The following ASTN1 variants were observed in gnomAD, a reference collection of about 807,000 sequenced individuals.
ASTN1 encodes astrotactin 1, also known as astrotactin-1.
ASTN1 carries 41 observed loss-of-function variants against 140.7 expected under a neutral mutation model. The observed-to-expected ratio is 0.29, with a 90% CI of 0.23 to 0.38. ASTN1 has a LOEUF of 0.38. Ranked by LOEUF, ASTN1 falls within the 10% of genes least tolerant of loss-of-function variation. The pLI, the probability that ASTN1 is intolerant of heterozygous loss-of-function variation, is 1.00. For synonymous variants in ASTN1, 640 were observed against 652.2 expected (o/e 0.98, Z 0.29); for missense variants, 1,479 against 1,678.8 (o/e 0.88, Z 2.08).
intron 5 of ASTN1, among the ~76,000 whole-genome samples, chr1:177,027,535 C>T (rs1421085183): frequency 6.6e-6 from 1 of 150,680 alleles, no homozygotes; most frequent in Non-Finnish European, 1.5e-5. Flanking sequence ...CCAGCCTCAT[C>T]CTTACCATCT....
intron 1 of ASTN1, among the ~76,000 whole-genome samples, chr1:177,074,723 G>C (rs374922831): frequency 6.6e-6 from 1 of 152,176 alleles, no homozygotes; most frequent in Non-Finnish European, 1.5e-5. Context: ...CATGATGCAC[G>C]TATGTGTTTT....
chr1:176,863,736 C>T lies in ASTN1; in HGVS notation c.*548G>A. On this transcript the variant is annotated 3_prime_UTR_variant, in exon 23 of 23. Coordinates refer to ENST00000361833, the MANE Select transcript of ASTN1 (RefSeq NM_004319.3). Reference sequence around the variant, plus strand: ...TGATAGCAAGGCCTAGGAAGAAAACCAGGAGACACAGACAAGGGCCACCTT... The same window carrying T: ...TGATAGCAAGGCCTAGGAAGAAAACTAGGAGACACAGACAAGGGCCACCTT... The T allele has an allele frequency of 1.0e-6, 1 of 986,658 alleles. No homozygotes were observed. The highest frequency in any genetic ancestry group is 1.2e-6 in the Non-Finnish European group (1 of 830,822). 61.1% of individuals were successfully genotyped at this position (986,658 alleles called of 1,614,324 possible).
chr1:176,899,232 T>G, intron 16 of ASTN1, among the ~76,000 whole-genome samples: 1 of 152,236 alleles, frequency 6.6e-6, no homozygotes, highest in East Asian at 1.9e-4. Flanking sequence ...TATTGTGGTA[T>G]GAGAATATCG....
At chr1:177,123,850 C>T (rs182721802) in intron 1 of ASTN1, among the ~76,000 whole-genome samples, 111 of 152,270 alleles carry the variant, frequency 7.3e-4, no homozygotes, top group African/African-American at 2.6e-3. Context: ...TGAGCTAACC[C>T]CAGGCAGGAA....
At chr1:176,949,123 T>C (rs555812505) in intron 12 of ASTN1, 62 bp downstream of exon 12, 4 of 1,595,102 alleles carry the variant, frequency 2.5e-6, no homozygotes, top group East Asian at 2.2e-5. Flanking sequence ...GGATTTAGCA[T>C]TGAAAGTCCT....
intron 15 of ASTN1, 142 bp from the exon 16 acceptor site, chr1:176,934,482 T>TGTTTCC: frequency 1.3e-6 from 1 of 770,108 alleles, no homozygotes; most frequent in South Asian, 2.6e-5. Flanking sequence ...GTCTGGTGAA[T>TGTTTCC]GTTTCCATTT....
chr1:177,144,504 G>A (rs907587716), intron 1 of ASTN1, among the ~76,000 whole-genome samples: 7 of 148,660 alleles, frequency 4.7e-5, no homozygotes, highest in Admixed American at 1.4e-4. Flanking sequence ...CGCCCGCCTC[G>A]GCCTCCCAAA....
chr1:177,027,372 C>T (rs564582186), intron 5 of ASTN1, among the ~76,000 whole-genome samples: 72 of 152,096 alleles, frequency 4.7e-4, no homozygotes, highest in African/African-American at 1.5e-3. Flanking sequence ...TGACTTGCTA[C>T]GGATATTCCT....
chr1:176,957,588 AT>A, intron 11 of ASTN1, 89 bp downstream of exon 11: 1 of 1,491,470 alleles, frequency 6.7e-7, no homozygotes, highest in Non-Finnish European at 9.1e-7. Context: ...ATCACAGCAC[AT>A]TTTTCCCTAT....
At chr1:177,075,981 T>C (rs1426791268) in intron 1 of ASTN1, among the ~76,000 whole-genome samples, 1 of 151,986 alleles carries the variant, frequency 6.6e-6, no homozygotes, top group Non-Finnish European at 1.5e-5. Flanking sequence ...CAAACTGCAA[T>C]AGAAATCCCT....
intron 3 of ASTN1, 35 bp downstream of exon 3, chr1:177,032,421 G>T: frequency 6.3e-7 from 1 of 1,594,676 alleles, no homozygotes; most frequent in South Asian, 1.1e-5. Context: ...TGAGATGAAG[G>T]ACCAAACAGC....
chr1:176,981,645 T>G (rs1369035335), intron 8 of ASTN1: 1 of 152,388 alleles, frequency 6.6e-6, no homozygotes, highest in Non-Finnish European at 1.5e-5. Context: ...CAAGTGATAT[T>G]GAGGGAGTAG....
downstream of ASTN1, among the ~76,000 whole-genome samples, chr1:176,858,107 A>G (rs1480445413): frequency 6.6e-6 from 1 of 152,206 alleles, no homozygotes; most frequent in Non-Finnish European, 1.5e-5. Context: ...AGCATATCAT[A>G]GACTCTAACA....
chr1:177,065,419 TTG>T (rs1483595557), intron 1 of ASTN1, among the ~76,000 whole-genome samples: 4 of 152,194 alleles, frequency 2.6e-5, no homozygotes, highest in African/African-American at 9.7e-5. Context: ...ATTCAGCAAA[TTG>T]TGTTACATGG....
intron 21 of ASTN1, 27 bp from the exon 22 acceptor site, chr1:176,869,054 G>A: frequency 3.4e-6 from 5 of 1,486,168 alleles, no homozygotes; most frequent in Non-Finnish European, 4.6e-6. Flanking sequence ...AGGAAAATAA[G>A]TTATTTACAT....
At chr1:177,049,458 T>C (rs1677425321) in intron 2 of ASTN1, among the ~76,000 whole-genome samples, 1 of 152,130 alleles carries the variant, frequency 6.6e-6, no homozygotes, top group African/African-American at 2.4e-5. Context: ...CTAACAGAGG[T>C]TGCATAAAAA....
chr1:177,101,036 T>C (rs1363939350), intron 1 of ASTN1, among the ~76,000 whole-genome samples: 1 of 152,162 alleles, frequency 6.6e-6, no homozygotes, highest in Non-Finnish European at 1.5e-5. Flanking sequence ...GAGTTTGCAG[T>C]AGCTGAGATT....
chr1:176,925,752 C>T (rs1670928243), intron 16 of ASTN1, among the ~76,000 whole-genome samples: 1 of 151,886 alleles, frequency 6.6e-6, no homozygotes, highest in Non-Finnish European at 1.5e-5. Context: ...TGTTCTTGTG[C>T]AATTGGCAGG....
intron 1 of ASTN1, among the ~76,000 whole-genome samples, chr1:177,089,905 T>C (rs534684495): frequency 6.6e-6 from 1 of 152,216 alleles, no homozygotes; most frequent in East Asian, 1.9e-4. Flanking sequence ...TTACTTCAAT[T>C]AATAAAATAG....
Sources: gnomAD v4.1 joint callset for allele counts (sites outside exome capture counted in the v4.1 genomes callset) on GRCh38, gnomAD v4.1.1 for gene constraint, MANE v1.5 for transcripts, NCBI Gene and HGNC (gene_info 2026-07-23, HGNC 2026-07-21) for gene names.